Variants in ATL3 observed in about 807,000 individuals in gnomAD.
ATL3 encodes atlastin GTPase 3.
ATL3 carries 49 observed loss-of-function variants against 69.5 expected under a neutral mutation model. The observed-to-expected ratio is 0.71, with a 90% CI of 0.56 to 0.89. The LOEUF (loss-of-function observed/expected upper bound fraction) is 0.89, where lower values mean the gene tolerates loss of function less well. Among genes scored for constraint, ATL3 ranks in the 40% least tolerant of loss-of-function variants. The pLI is 0.00. For synonymous variants in ATL3, 214 were observed against 224.1 expected (o/e 0.95, Z 0.40); for missense variants, 606 against 645.7 (o/e 0.94, Z 0.67).
Position 63,651,929 on chromosome 11 carries a change from T to C in ATL3, c.561+7A>G. On this transcript the variant is annotated splice_region_variant and intron_variant, in intron 5 of 12. Transcript: ENST00000398868. ...ATGATGTTAAAATTGTTATGAGAAA[T>C]ATATACCTGCAGCTGTTGAAGATCA... 1 of 1,591,804 alleles carries C rather than the reference T, an allele frequency of 6.3e-7. No individual in the cohort carries two copies. The highest frequency in any genetic ancestry group is 1.2e-5 in the South Asian group (1 of 85,902).
At chr11:63,631,773 G>A (rs1436835337) in intron 11 of ATL3, among the ~76,000 whole-genome samples, 3 of 152,178 alleles carry the variant, frequency 2.0e-5, no homozygotes, top group African/African-American at 7.2e-5. Flanking sequence ...CTTGAGGTCA[G>A]GAGTTTGAAA....
At chr11:63,644,045 T>C in intron 7 of ATL3, 124 bp downstream of exon 7, 1 of 647,218 alleles carries the variant, frequency 1.5e-6, no homozygotes, top group Non-Finnish European at 2.7e-6. Flanking sequence ...TGTGTTAAGA[T>C]TCATATATAG....
At chr11:63,653,461 T>A (rs185716598) in intron 3 of ATL3, among the ~76,000 whole-genome samples, 23 of 147,836 alleles carry the variant, frequency 1.6e-4, no homozygotes, top group Non-Finnish European at 2.8e-4. Context: ...CGAGATTTTG[T>A]CCCAAAAAAA....
At chr11:63,663,747 T>C (rs926241615) in intron 1 of ATL3, among the ~76,000 whole-genome samples, 1 of 152,212 alleles carries the variant, frequency 6.6e-6, no homozygotes, top group Admixed American at 6.5e-5. Flanking sequence ...AAAGTCTTGA[T>C]TGTGGCAGAG....
intron 3 of ATL3, among the ~76,000 whole-genome samples, chr11:63,655,937 T>C (rs1424623293): frequency 6.6e-6 from 1 of 152,086 alleles, no homozygotes; most frequent in Non-Finnish European, 1.5e-5. Flanking sequence ...TAACATGAAC[T>C]ACATCAGCCT....
chr11:63,658,652 C>T, intron 3 of ATL3, 109 bp downstream of exon 3: 1 of 1,231,312 alleles, frequency 8.1e-7, no homozygotes, highest in Non-Finnish European at 1.1e-6. Context: ...TTACTTTACC[C>T]ATTTTAAATT....
intron 6 of ATL3, among the ~76,000 whole-genome samples, chr11:63,646,183 C>T (rs766238859): frequency 5.7e-4 from 87 of 152,250 alleles, no homozygotes; most frequent in Non-Finnish European, 1.2e-3. Context: ...AGCTACCACG[C>T]CCAACCCACA....
intron 1 of ATL3, among the ~76,000 whole-genome samples, chr11:63,660,662 T>TG (rs930091500): frequency 5.8e-4 from 88 of 152,156 alleles, no homozygotes; most frequent in African/African-American, 2.0e-3. Context: ...CCCAGCTACT[T>TG]GGAGAGCTGA....
rs1939155236 is a variant in ATL3, at chr11:63,627,525, T to C, written c.*1794A>G. 6.6e-6 allele frequency: 1 copy of C among 152,232 alleles called. No individual in the cohort carries two copies. The highest frequency in any genetic ancestry group is 1.5e-5 in the Non-Finnish European group (1 of 68,040). The allele number at this position is 152,232 out of a possible 1,614,324, so 9.4% of individuals were successfully genotyped here. ...GCGAAAAGGGACTTTTTTTCTACCT[T>C]CCATTCATACTTCATGTATGTAAAG... On this transcript the variant is annotated 3_prime_UTR_variant, in exon 13 of 13. Coordinates refer to ENST00000398868, the MANE Select transcript of ATL3 (RefSeq NM_015459.5).
chr11:63,649,687 G>A (rs1473923625), intron 5 of ATL3, among the ~76,000 whole-genome samples: 5 of 150,862 alleles, frequency 3.3e-5, no homozygotes, highest in East Asian at 3.9e-4. Context: ...ATTTGCCACC[G>A]CACCCAGCTA....
Position 63,628,304 on chromosome 11 carries a change from A to G in ATL3, c.*1015T>C, listed in dbSNP as rs562521930. The G allele has an allele frequency of 2.0e-5, 3 of 151,856 alleles. No individual in the cohort carries two copies. Among genetic ancestry groups the G allele is most frequent in the African/African-American group, 7.3e-5 (3 of 41,318 alleles). The allele number at this position is 151,856 out of a possible 1,614,324, so 9.4% of individuals were successfully genotyped here. A position where few individuals can be genotyped will look rare whatever the true frequency, so the allele number is the denominator to read the frequency against. Reference sequence around the variant, plus strand: ...GGCACGTTTGCCTCTTTTTCTAGAAAGAAGCTATAGGGACCAAAAAAAAAA... The same window carrying G: ...GGCACGTTTGCCTCTTTTTCTAGAAGGAAGCTATAGGGACCAAAAAAAAAA... On this transcript the variant is annotated 3_prime_UTR_variant, in exon 13 of 13. Coordinates refer to ENST00000398868, the MANE Select transcript of ATL3 (RefSeq NM_015459.5).
At chr11:63,639,992 G>A (rs1238658688) in intron 8 of ATL3, among the ~76,000 whole-genome samples, 2 of 151,234 alleles carry the variant, frequency 1.3e-5, no homozygotes, top group African/African-American at 2.4e-5. Context: ...ACAATGGCGC[G>A]ATCTCAGCTC....
chr11:63,634,056 A>AAAGGAAAAAGCC (rs1297024473), intron 10 of ATL3, among the ~76,000 whole-genome samples: 1 of 149,184 alleles, frequency 6.7e-6, no homozygotes, highest in African/African-American at 2.5e-5. Context: ...AAAAAAAAAA[A>AAAGGAAAAAGCC]AAGGAAAAAG....
upstream of ATL3, chr11:63,671,821 G>A: frequency 3.0e-6 from 3 of 1,008,324 alleles, no homozygotes; most frequent in Non-Finnish European, 3.7e-6. Flanking sequence ...GTCCTCCTGC[G>A]AGCTGCGGCC....
chr11:63,635,726 A>G (rs1324952538), intron 9 of ATL3, 136 bp from the exon 10 acceptor site: 1 of 655,204 alleles, frequency 1.5e-6, no homozygotes, highest in Non-Finnish European at 2.6e-6. Context: ...GCAAAAACAC[A>G]CCACACACCT....
At position 63,626,622 on chromosome 11, in the gene ATL3, A is replaced by C. The variant is rs899108647; in HGVS notation, c.*2697T>G. 6.6e-6 allele frequency: 1 copy of C among 152,184 alleles called. No homozygotes were observed. The highest frequency in any genetic ancestry group is 1.5e-5 in the Non-Finnish European group (1 of 68,032). The allele number at this position is 152,184 out of a possible 1,614,324, so 9.4% of individuals were successfully genotyped here. A position where few individuals can be genotyped will look rare whatever the true frequency, so the allele number is the denominator to read the frequency against. On this transcript the variant is annotated 3_prime_UTR_variant, in exon 13 of 13. Transcript: ENST00000398868. ...AAGCCTCCTTTTATATATTCATAGGAATGAGTTCCATATATTGTTAGGATT... is the reference window on the plus strand; with the variant it reads ...AAGCCTCCTTTTATATATTCATAGGCATGAGTTCCATATATTGTTAGGATT...
chr11:63,638,287 T>A (rs1339977900), intron 8 of ATL3, among the ~76,000 whole-genome samples: 1 of 152,190 alleles, frequency 6.6e-6, no homozygotes, highest in Non-Finnish European at 1.5e-5. Flanking sequence ...CTGTGTTAAT[T>A]TCCAACTAAA....
At chr11:63,650,564 T>C (rs7118318) in intron 5 of ATL3, 71 of 152,344 alleles carry the variant, frequency 4.7e-4, no homozygotes, top group African/African-American at 1.6e-3. Context: ...TTACAGTTGC[T>C]GAGTCTACCA....
intron 1 of ATL3, among the ~76,000 whole-genome samples, chr11:63,666,068 C>T (rs549679786): frequency 1.5e-4 from 23 of 152,226 alleles, no homozygotes; most frequent in Admixed American, 1.3e-3. Context: ...GCAGCCTCAA[C>T]CTACCGGGCT....
Sources: gnomAD v4.1 joint callset for allele counts (sites outside exome capture counted in the v4.1 genomes callset) on GRCh38, gnomAD v4.1.1 for gene constraint, MANE v1.5 for transcripts, NCBI Gene and HGNC (gene_info 2026-07-23, HGNC 2026-07-21) for gene names.